PMFBP1: variants seen among roughly 807,000 people sequenced by gnomAD.
PMFBP1 encodes polyamine-modulated factor 1-binding protein 1.
PMFBP1 carries 131 observed loss-of-function variants against 137.8 expected under a neutral mutation model. That is an observed-to-expected ratio of 0.95 (90% CI 0.82 to 1.10). The LOEUF (loss-of-function observed/expected upper bound fraction) is 1.10. Ranked by LOEUF, PMFBP1 falls within the 50% of genes least tolerant of loss-of-function variation. The pLI, the probability that PMFBP1 is intolerant of heterozygous loss-of-function variation, is 0.00. For missense variants in PMFBP1, 1,199 were observed against 1,175.4 expected (o/e 1.02, Z -0.29); for synonymous variants, 490 against 450.4 (o/e 1.09, Z -1.11).
rs1465030625 is a variant in PMFBP1, at chr16:72,136,468, GC to G, written c.1182del (p.Lys394AsnfsTer4). On this transcript the variant is annotated frameshift_variant, in exon 9 of 21. Transcript: ENST00000237353. LOFTEE classifies it high-confidence loss of function. The part of the protein sequence containing the change: ...ELQLEFTETQ[K>X]LTLKKDKFLQ... ...TTTACCTTGTCTTTCTTCAAAGTGA[GC>G]TTTTGGGTCTCGGTGAACTCCAGCT... The G allele has an allele frequency of 1.9e-6, 3 of 1,613,808 alleles. No homozygotes were observed. The East Asian group carries it at 6.7e-5, about 36-fold the overall frequency.
the PMFBP1 span, among the ~76,000 whole-genome samples, chr16:72,231,878 A>G: frequency 7.9e-5 from 12 of 152,200 alleles, no homozygotes; most frequent in Non-Finnish European, 1.5e-4. Flanking sequence ...TAGGTGGGAA[A>G]AATTTTCCTC....
chr16:72,202,035 G>T, the PMFBP1 span, among the ~76,000 whole-genome samples: 2 of 152,200 alleles, frequency 1.3e-5, no homozygotes, highest in African/African-American at 2.4e-5. Context: ...ATATTAGAGA[G>T]AAATTACTTT....
intron 9 of PMFBP1, among the ~76,000 whole-genome samples, chr16:72,134,810 T>C (rs770939472): frequency 6.6e-5 from 10 of 152,230 alleles, no homozygotes; most frequent in Non-Finnish European, 1.2e-4. Context: ...AGAGGACTTC[T>C]CTGATCACCC....
chr16:72,193,594 A>T, the PMFBP1 span, among the ~76,000 whole-genome samples: 111 of 152,036 alleles, frequency 7.3e-4, 1 homozygote, highest in Non-Finnish European at 2.1e-4. Flanking sequence ...AAGCTTGGAG[A>T]TTTTTTATGT....
chr16:72,218,861 T>A, the PMFBP1 span, among the ~76,000 whole-genome samples: 1 of 152,060 alleles, frequency 6.6e-6, no homozygotes, highest in Non-Finnish European at 1.5e-5. Context: ...CTATGGGGTA[T>A]GGGAAAAAGG....
At chr16:72,149,764 A>C (rs2042872893) in intron 5 of PMFBP1, among the ~76,000 whole-genome samples, 1 of 152,238 alleles carries the variant, frequency 6.6e-6, no homozygotes, top group Non-Finnish European at 1.5e-5. Flanking sequence ...TGGAGGCCTC[A>C]GTGAGCCAAG....
the PMFBP1 span, among the ~76,000 whole-genome samples, chr16:72,235,296 A>C: frequency 6.6e-6 from 1 of 152,152 alleles, no homozygotes. Context: ...TTGAATTGTC[A>C]TACCACAACT....
At chr16:72,203,905 G>A in the PMFBP1 span, among the ~76,000 whole-genome samples, 2 of 152,192 alleles carry the variant, frequency 1.3e-5, no homozygotes. Flanking sequence ...GTGCACTGAG[G>A]TAATCAGTCA....
intron 4 of PMFBP1, among the ~76,000 whole-genome samples, chr16:72,152,586 T>C (rs1425081919): frequency 6.6e-6 from 1 of 152,144 alleles, no homozygotes; most frequent in Non-Finnish European, 1.5e-5. Context: ...GACTCATGCC[T>C]GTAACCCCAG....
At chr16:72,188,506 T>G in the PMFBP1 span, among the ~76,000 whole-genome samples, 1 of 152,246 alleles carries the variant, frequency 6.6e-6, no homozygotes, top group African/African-American at 2.4e-5. Context: ...AATAAAGCAC[T>G]GTTGACTTGT....
intron 9 of PMFBP1, among the ~76,000 whole-genome samples, chr16:72,133,470 T>C (rs536891779): frequency 1.3e-5 from 2 of 152,094 alleles, no homozygotes; most frequent in Non-Finnish European, 2.9e-5. Flanking sequence ...TGAGCCACCG[T>C]ACCCAGCCGT....
chr16:72,189,817 G>T, the PMFBP1 span, among the ~76,000 whole-genome samples: 18,880 of 152,138 alleles, frequency 0.12, 1,622 homozygotes, highest in South Asian at 0.18. Flanking sequence ...TAACTCAGAG[G>T]GTAGGGTTTT....
At chr16:72,131,651 G>A (rs574602792) in intron 10 of PMFBP1, among the ~76,000 whole-genome samples, 3 of 152,204 alleles carry the variant, frequency 2.0e-5, no homozygotes, top group Admixed American at 1.3e-4. Context: ...CAGAGCAGGA[G>A]AGAAAAGAGA....
chr16:72,131,008 G>T (rs917353218), intron 10 of PMFBP1, among the ~76,000 whole-genome samples: 1 of 152,196 alleles, frequency 6.6e-6, no homozygotes, highest in Non-Finnish European at 1.5e-5. Flanking sequence ...TGACCCTTCT[G>T]GAGTTTAGAG....
chr16:72,144,819 A>T (rs2042780674), intron 5 of PMFBP1, among the ~76,000 whole-genome samples: 2 of 152,208 alleles, frequency 1.3e-5, no homozygotes, highest in African/African-American at 2.4e-5. Context: ...TCAATGCAAC[A>T]AGAAGAGCTA....
At chr16:72,203,179 C>T in the PMFBP1 span, among the ~76,000 whole-genome samples, 2 of 152,310 alleles carry the variant, frequency 1.3e-5, no homozygotes, top group Middle Eastern at 6.8e-3. Flanking sequence ...CACCCAGTCT[C>T]CTTCAAATAT....
chr16:72,178,333 T>C (rs965369667), upstream of PMFBP1, among the ~76,000 whole-genome samples: 1 of 152,126 alleles, frequency 6.6e-6, no homozygotes, highest in East Asian at 1.9e-4. Context: ...TATAAAGTTA[T>C]TATTTTTCCC....
chr16:72,194,430 G>A, the PMFBP1 span, among the ~76,000 whole-genome samples: 3 of 152,112 alleles, frequency 2.0e-5, no homozygotes, highest in East Asian at 3.9e-4. Context: ...TTTGTCAAGC[G>A]ATTCGTTGCA....
At chr16:72,217,795 G>C in the PMFBP1 span, among the ~76,000 whole-genome samples, 12 of 152,184 alleles carry the variant, frequency 7.9e-5, no homozygotes, top group African/African-American at 2.9e-4. Flanking sequence ...GGAGGTTGCA[G>C]TGAGCCAAGA....
Sources: gnomAD v4.1 joint callset for allele counts (sites outside exome capture counted in the v4.1 genomes callset) on GRCh38, gnomAD v4.1.1 for gene constraint, MANE v1.5 for transcripts, NCBI Gene and HGNC (gene_info 2026-07-23, HGNC 2026-07-21) for gene names.